HS6ST2: variants seen among roughly 807,000 people sequenced by gnomAD.
HS6ST2 encodes the protein heparan-sulfate 6-O-sulfotransferase 2.
Under a neutral mutation model 33.0 loss-of-function variants are expected in HS6ST2, and 17 were observed. That is an observed-to-expected ratio of 0.52 (90% CI 0.35 to 0.77). The LOEUF is 0.77. Ranked by LOEUF, HS6ST2 falls within the 30% of genes least tolerant of loss-of-function variation. The pLI is 0.01. For synonymous variants in HS6ST2, 248 were observed against 237.1 expected (o/e 1.05, Z -0.42); for missense variants, 519 against 551.7 (o/e 0.94, Z 0.59).
At chrX:132,698,509 C>T (rs975162516) in intron 3 of HS6ST2, among the ~76,000 whole-genome samples, 8 of 111,571 alleles carry the variant, frequency 7.2e-5, no homozygotes, top group African/African-American at 9.8e-5. Flanking sequence ...AAAACATGGG[C>T]GTGCTTATCA....
rs145526776 is a variant in HS6ST2 at position 132,741,080 on chromosome X, A to G, written c.948-32586T>C. On this transcript the variant is annotated intron_variant, in intron 2 of 4. Transcript: ENST00000370833. ...GCATACAATTGTCAGTAAGTACTGCATGCTTCTGGGAGATGGAGTCGGGTG... is the reference window on the plus strand; with the variant it reads ...GCATACAATTGTCAGTAAGTACTGCGTGCTTCTGGGAGATGGAGTCGGGTG... Among the ~76,000 whole-genome samples the G allele has an allele frequency of 2.7e-5, 3 of 111,815 alleles. No individual in the cohort carries two copies. The East Asian group carries it at 8.5e-4, about 32-fold the overall frequency.
intron 2 of HS6ST2, among the ~76,000 whole-genome samples, chrX:132,732,775 G>A (rs1001409135): frequency 1.3e-4 from 15 of 111,436 alleles, no homozygotes; most frequent in Non-Finnish European, 2.1e-4. Context: ...ACCCAGTCTC[G>A]GCTATGTCTT....
At chrX:132,787,751 C>T (rs746074574) in intron 2 of HS6ST2, among the ~76,000 whole-genome samples, 1 of 108,436 alleles carries the variant, frequency 9.2e-6, no homozygotes, top group Admixed American at 9.8e-5. Context: ...CTTAGCTGGG[C>T]GTTGTGGTAC....
At chrX:132,803,504 G>A (rs1365224415) in intron 2 of HS6ST2, among the ~76,000 whole-genome samples, 1 of 111,835 alleles carries the variant, frequency 8.9e-6, no homozygotes, top group East Asian at 2.8e-4. Context: ...CACCTCTCTG[G>A]TTCAAGCGAT....
Position 132,724,238 on chromosome X carries a change from T to C in HS6ST2, c.948-15744A>G, listed in dbSNP as rs190975695. 6.2e-5 allele frequency among the ~76,000 whole-genome samples: 7 copies of C among 112,490 alleles called. No homozygotes were observed. In the Admixed American group the frequency reaches 6.6e-4, roughly 11 times the overall value. On this transcript the variant is annotated intron_variant, in intron 2 of 4. Transcript: ENST00000370833. ...TCAAATTGGCCTTGTTTGCAGATGA[T>C]ATGATCTTATATTGGTAAAACCTAA...
At chrX:132,878,143 T>C (rs762909555) in intron 2 of HS6ST2, among the ~76,000 whole-genome samples, 8 of 112,057 alleles carry the variant, frequency 7.1e-5, no homozygotes, top group Non-Finnish European at 1.1e-4. Context: ...GAATTAGGCA[T>C]GCAGACACAT....
chrX:132,824,322 A>C (rs1602718350), intron 2 of HS6ST2, among the ~76,000 whole-genome samples: 1 of 112,123 alleles, frequency 8.9e-6, no homozygotes, highest in African/African-American at 3.2e-5. Context: ...CATGACAAGC[A>C]CCAGGTCCCA....
Position 132,626,840 on chromosome X carries a change from C to A in HS6ST2, c.*1383G>T, listed in dbSNP as rs1337361824. 1 of 111,710 alleles carries A rather than the reference C, an allele frequency of 9.0e-6. No homozygotes were observed. Among genetic ancestry groups the A allele is most frequent in the African/African-American group, 3.3e-5 (1 of 30,735 alleles). 9.2% of individuals were successfully genotyped at this position (111,710 alleles called of 1,213,427 possible). The stretch of plus-strand genomic sequence containing the variant: ...TATCTTGGTCAGCTTGTAATAGGTA[C>A]CATAGAAGTATTTTTGCATCGACTT... On this transcript the variant is annotated 3_prime_UTR_variant, in exon 5 of 5. Coordinates refer to ENST00000370833, the MANE Select transcript of HS6ST2 (RefSeq NM_001394073.1).
Position 132,763,402 on chromosome X carries a change from A to T in HS6ST2, c.948-54908T>A, listed in dbSNP as rs2064819724. Among the ~76,000 whole-genome samples the T allele has an allele frequency of 2.7e-5, 3 of 112,481 alleles. No individual in the cohort carries two copies. The South Asian group carries it at 1.1e-3, about 42-fold the overall frequency. ...ACTGGGCATTCCCAGAGAGAGGGAA[A>T]CATTATGTTTAGCTCATAAATACTT... On this transcript the variant is annotated intron_variant, in intron 2 of 4. Coordinates refer to ENST00000370833, the MANE Select transcript of HS6ST2 (RefSeq NM_001394073.1).
intron 2 of HS6ST2, among the ~76,000 whole-genome samples, chrX:132,793,747 A>G (rs1353229918): frequency 8.9e-6 from 1 of 112,554 alleles, no homozygotes; most frequent in Non-Finnish European, 1.9e-5. Context: ...AAGAAATCAA[A>G]GTAGCTATGT....
At chrX:132,828,612 C>T (rs2065549464) in intron 2 of HS6ST2, among the ~76,000 whole-genome samples, 1 of 102,518 alleles carries the variant, frequency 9.8e-6, no homozygotes, top group African/African-American at 3.6e-5. Context: ...GGTGGAGACA[C>T]CGACTGGGCA....
chrX:132,754,585 T>G (rs2064739686), intron 2 of HS6ST2, among the ~76,000 whole-genome samples: 1 of 109,160 alleles, frequency 9.2e-6, no homozygotes, highest in Non-Finnish European at 1.9e-5. Flanking sequence ...CCCATCTAAT[T>G]TTTTTATATT....
intron 2 of HS6ST2, among the ~76,000 whole-genome samples, chrX:132,810,849 C>T (rs1319839615): frequency 8.9e-6 from 1 of 112,311 alleles, no homozygotes; most frequent in Non-Finnish European, 1.9e-5. Flanking sequence ...AAAGCCAAGC[C>T]CTGGTTAACC....
At chrX:132,850,141 A>G (rs765373456) in intron 2 of HS6ST2, among the ~76,000 whole-genome samples, 1 of 112,477 alleles carries the variant, frequency 8.9e-6, no homozygotes, top group South Asian at 3.7e-4. Context: ...GGGAAAAAAT[A>G]CATTGTATGG....
At chrX:132,880,215 A>G (rs1455699180) in intron 2 of HS6ST2, among the ~76,000 whole-genome samples, 2 of 111,194 alleles carry the variant, frequency 1.8e-5, no homozygotes, top group Admixed American at 1.9e-4. Flanking sequence ...ACTGCCCCCA[A>G]CCAAAATTAA....
intron 2 of HS6ST2, among the ~76,000 whole-genome samples, chrX:132,797,343 G>A (rs899586293): frequency 6.3e-5 from 7 of 111,691 alleles, no homozygotes; most frequent in African/African-American, 2.3e-4. Context: ...CAAGTCAGAT[G>A]AAAGCTCAAG....
chrX:132,930,834 C>G (rs2066761102), intron 2 of HS6ST2, among the ~76,000 whole-genome samples: 1 of 111,481 alleles, frequency 9.0e-6, no homozygotes, highest in Non-Finnish European at 1.9e-5. Flanking sequence ...AGTGGAACCA[C>G]AGACAAAAAA....
chrX:132,873,841 G>C (rs774468053), intron 2 of HS6ST2, among the ~76,000 whole-genome samples: 2 of 111,258 alleles, frequency 1.8e-5, no homozygotes, highest in East Asian at 5.7e-4. Flanking sequence ...GGAGAGGAGA[G>C]AATTGCCCTG....
intron 2 of HS6ST2, among the ~76,000 whole-genome samples, chrX:132,716,304 G>A (rs1427261472): frequency 8.9e-6 from 1 of 112,071 alleles, no homozygotes; most frequent in African/African-American, 3.2e-5. Context: ...GCTATGGCAG[G>A]ATACATTGTT....
Sources: allele counts gnomAD v4.1 joint callset (sites outside exome capture counted in the v4.1 genomes callset), GRCh38; gene constraint gnomAD v4.1.1; transcripts MANE v1.5; gene names NCBI Gene and HGNC (gene_info 2026-07-23, HGNC 2026-07-21).